The following TTC7A variants were observed in gnomAD, a reference collection of about 807,000 sequenced individuals.
TTC7A encodes the protein tetratricopeptide repeat protein 7A.
In TTC7A, 110 loss-of-function variants were observed where a neutral mutation model predicts 103.7. The observed-to-expected ratio is 1.06, with a 90% CI of 0.91 to 1.24. TTC7A has a LOEUF of 1.24. Among genes scored for constraint, TTC7A ranks in the 50% most tolerant of loss-of-function variants. The pLI is 0.00. For synonymous variants in TTC7A, 521 were observed against 467.9 expected, an observed-to-expected ratio of 1.11 and a Z score of -1.47; for missense variants, 1,340 against 1,116.3, an observed-to-expected ratio of 1.20 and a Z score of -2.86.
chr2:46,967,013 G>C (rs1197324399), intron 3 of TTC7A, among the ~76,000 whole-genome samples: 1 of 151,678 alleles, frequency 6.6e-6, no homozygotes, highest in Admixed American at 6.6e-5. Flanking sequence ...AGGAGTTCAA[G>C]ACCAGCCTGG....
chr2:47,012,925 C>G (rs960941314), intron 11 of TTC7A, among the ~76,000 whole-genome samples: 13 of 152,116 alleles, frequency 8.5e-5, no homozygotes, highest in Non-Finnish European at 1.5e-5. Context: ...GTCATTTAGG[C>G]TGGGGAGAAT....
chr2:46,941,766 C>G lies in TTC7A; in HGVS notation c.184+41C>G. On this transcript the variant is annotated intron_variant, in intron 1 of 19. Transcript: ENST00000319190. The surrounding 1 kb of genome is among the most constrained non-coding windows in gnomAD (Gnocchi z 4.2). ...GGCTGGCTCGCCGGCAGCGAGCGCG[C>G]GAAACGCACCGCCTCCTCCAGGAAG... The G allele has an allele frequency of 1.3e-6, 2 of 1,545,988 alleles. No homozygotes were observed. Among genetic ancestry groups the G allele is most frequent in the Non-Finnish European group, 1.7e-6 (2 of 1,145,118 alleles).
At chr2:46,992,813 A>G (rs942957971) in intron 5 of TTC7A, among the ~76,000 whole-genome samples, 6 of 152,260 alleles carry the variant, frequency 3.9e-5, no homozygotes, top group African/African-American at 1.2e-4. Flanking sequence ...TGTTGATTGC[A>G]CATAGGAGAG....
intron 15 of TTC7A, among the ~76,000 whole-genome samples, chr2:47,045,816 G>C (rs1362561610): frequency 6.6e-6 from 1 of 152,200 alleles, no homozygotes; most frequent in East Asian, 1.9e-4. Context: ...GTCCTTAGGG[G>C]ACCTCCTTGC....
At chr2:46,958,527 C>G in intron 3 of TTC7A, 2 of 1,304,236 alleles carry the variant, frequency 1.5e-6, no homozygotes, top group South Asian at 1.2e-5. Flanking sequence ...AACACAGTCC[C>G]GGTGGTCAGA....
chr2:46,919,882 T>C (rs1669007847), intron 2 of TTC7A, among the ~76,000 whole-genome samples: 2 of 152,262 alleles, frequency 1.3e-5, no homozygotes, highest in South Asian at 4.1e-4. Context: ...GAGGGTGACC[T>C]CAATGGGTTG....
In TTC7A at chr2:46,917,012, C is replaced by T. The variant is rs112219877; in HGVS notation, c.-12-172C>T. Reference sequence around the variant, plus strand: ...ATCGTTTTTCAAATGAGCCTGGGTCCGGACAGGAAAGACAAAGAAAGTGGC... The same window carrying T: ...ATCGTTTTTCAAATGAGCCTGGGTCTGGACAGGAAAGACAAAGAAAGTGGC... On this transcript the variant is annotated intron_variant, in intron 1 of 20. Transcript: ENST00000409245. Among the ~76,000 whole-genome samples the T allele has an allele frequency of 5.7e-4, 87 of 152,140 alleles. 1 individual carries two copies. Among genetic ancestry groups the T allele is most frequent in the Middle Eastern group, 3.4e-3 (1 of 294 alleles).
chr2:46,922,113 C>T (rs142258946), intron 2 of TTC7A, among the ~76,000 whole-genome samples: 32 of 152,146 alleles, frequency 2.1e-4, no homozygotes, highest in African/African-American at 6.7e-4. Flanking sequence ...GTCTGTGAAG[C>T]GTGCCCTTGA....
chr2:46,935,050 C>T (rs1331179793), intron 2 of TTC7A, among the ~76,000 whole-genome samples: 3 of 151,988 alleles, frequency 2.0e-5, no homozygotes, highest in African/African-American at 4.8e-5. Context: ...CCACCCACCT[C>T]GGCCTCCCAA....
chr2:47,006,856 G>C lies in TTC7A; in HGVS notation c.1287+132G>C, dbSNP rs545520232. ...CGCTGGTTTGAACCTCCGGGAGAGT[G>C]AGGGGCGTGGGGTGGGCCACACAGA... On this transcript the variant is annotated intron_variant, in intron 10 of 19. Transcript: ENST00000319190. 1.4e-4 allele frequency: 105 copies of C among 729,302 alleles called. 1 individual carries two copies. In the Admixed American group the frequency reaches 1.6e-3, roughly 11 times the overall value. The allele number at this position is 729,302 out of a possible 1,614,324, so 45.2% of individuals were successfully genotyped here. A position where few individuals can be genotyped will look rare whatever the true frequency, so the allele number is the denominator to read the frequency against.
intron 2 of TTC7A, among the ~76,000 whole-genome samples, chr2:46,925,689 C>G (rs1208851105): frequency 3.3e-5 from 5 of 152,106 alleles, no homozygotes; most frequent in South Asian, 2.1e-4. Flanking sequence ...CCACCTCCCC[C>G]AAAAAAACCC....
intron 15 of TTC7A, among the ~76,000 whole-genome samples, chr2:47,033,453 G>C (rs535963573): frequency 1.3e-5 from 2 of 152,338 alleles, no homozygotes; most frequent in South Asian, 4.1e-4. Flanking sequence ...CTGGTGCTGG[G>C]CGTGGGCTTT....
At position 47,046,312 on chromosome 2, in the gene TTC7A, C is replaced by T. The variant is rs1682311164; in HGVS notation, c.1803-3C>T. 2 of 1,612,950 alleles carry T rather than the reference C, an allele frequency of 1.2e-6. No individual in the cohort carries two copies. The highest frequency in any genetic ancestry group is 1.7e-6 in the Non-Finnish European group (2 of 1,179,336). On this transcript the variant is annotated splice_region_variant and splice_polypyrimidine_tract_variant and intron_variant, in intron 15 of 19. Coordinates refer to ENST00000319190, the MANE Select transcript of TTC7A (RefSeq NM_020458.4). ...TGCTGATGGCCACTCTCCGTCCCCA[C>T]AGCCTGATGTTCACCAAGGTGAAGC...
intron 13 of TTC7A, 95 bp downstream of exon 13, chr2:47,023,560 A>G (rs1033254902): frequency 2.3e-6 from 3 of 1,283,164 alleles, no homozygotes; most frequent in Admixed American, 1.8e-5. Context: ...TGGGCAGAAC[A>G]AACATTTCTA....
At chr2:47,073,349 C>A (rs1413845256) in intron 19 of TTC7A, among the ~76,000 whole-genome samples, 2 of 152,158 alleles carry the variant, frequency 1.3e-5, no homozygotes, top group African/African-American at 4.8e-5. Flanking sequence ...TGTGATTTTT[C>A]CCATTTACAG....
intron 5 of TTC7A, among the ~76,000 whole-genome samples, chr2:46,990,642 A>G (rs965803868): frequency 5.3e-5 from 8 of 152,320 alleles, no homozygotes; most frequent in African/African-American, 1.7e-4. Context: ...GGCCACATGT[A>G]TGTCATCTTC....
chr2:46,923,367 T>C (rs1669206335), intron 2 of TTC7A, among the ~76,000 whole-genome samples: 1 of 152,150 alleles, frequency 6.6e-6, no homozygotes, highest in South Asian at 2.1e-4. Context: ...CTGAATTACC[T>C]GGGGGCTGCC....
intron 8 of TTC7A, among the ~76,000 whole-genome samples, chr2:46,995,711 C>G (rs1259974020): frequency 6.6e-6 from 1 of 152,156 alleles, no homozygotes; most frequent in Non-Finnish European, 1.5e-5. Flanking sequence ...GTAAGTGTGC[C>G]TATGGAAGGA....
At chr2:47,046,262 G>A in intron 15 of TTC7A, 53 bp from the exon 16 acceptor site, 1 of 1,439,556 alleles carries the variant, frequency 6.9e-7, no homozygotes, top group Non-Finnish European at 9.8e-7. Flanking sequence ...GGATCCCCAG[G>A]TGAAAGTGGG....
Sources: allele counts gnomAD v4.1 joint callset (sites outside exome capture counted in the v4.1 genomes callset), GRCh38; gene constraint gnomAD v4.1.1; non-coding constraint Gnocchi (gnomAD v3.1); transcripts MANE v1.5; gene names NCBI Gene and HGNC (gene_info 2026-07-23, HGNC 2026-07-21).